The following B4GALNT3 variants were observed in gnomAD, a reference collection of about 807,000 sequenced individuals.
B4GALNT3 encodes the protein beta-1,4-N-acetylgalactosaminyltransferase 3.
B4GALNT3 carries 86 observed loss-of-function variants against 120.2 expected under a neutral mutation model. That is an observed-to-expected ratio of 0.72 (90% confidence interval 0.60 to 0.86). B4GALNT3 has a LOEUF of 0.86. Among genes scored for constraint, B4GALNT3 ranks in the 40% least tolerant of loss-of-function variants. The pLI, the probability that B4GALNT3 is intolerant of heterozygous loss-of-function variation, is 0.00. For missense variants in B4GALNT3, 1,167 were observed against 1,298.9 expected, an observed-to-expected ratio of 0.90 and a Z score of 1.56; for synonymous variants, 518 against 510.4, an observed-to-expected ratio of 1.01 and a Z score of -0.20.
intron 12 of B4GALNT3, 44 bp downstream of exon 12, chr12:552,207 C>G (rs202215573): frequency 6.6e-7 from 1 of 1,523,206 alleles, no homozygotes; most frequent in Non-Finnish European, 9.1e-7. Context: ...TTGCAGAGGG[C>G]TCTGCGGGAG....
chr12:512,202 C>A (rs1946584316), intron 1 of B4GALNT3, among the ~76,000 whole-genome samples: 1 of 97,706 alleles, frequency 1.0e-5, no homozygotes, highest in Non-Finnish European at 2.0e-5. Flanking sequence ...CGCCTTCCAC[C>A]TTCCACCTTC....
chr12:485,044 G>A (rs1946278223), intron 1 of B4GALNT3, among the ~76,000 whole-genome samples: 1 of 152,118 alleles, frequency 6.6e-6, no homozygotes, highest in Non-Finnish European at 1.5e-5. Flanking sequence ...ACATCCCTTT[G>A]GCATGTTCTC....
chr12:500,668 G>A (rs1946429761), intron 1 of B4GALNT3, among the ~76,000 whole-genome samples: 1 of 152,032 alleles, frequency 6.6e-6, no homozygotes, highest in African/African-American at 2.4e-5. Flanking sequence ...TCCCGTGGGT[G>A]CCCCAACCCG....
At chr12:529,243 C>T (rs939167702) in intron 1 of B4GALNT3, among the ~76,000 whole-genome samples, 2 of 152,204 alleles carry the variant, frequency 1.3e-5, no homozygotes, top group African/African-American at 2.4e-5. Context: ...ACTTCTTTCT[C>T]GGGCTTACTC....
At chr12:476,332 G>T (rs565296283) in intron 1 of B4GALNT3, among the ~76,000 whole-genome samples, 1 of 152,114 alleles carries the variant, frequency 6.6e-6, no homozygotes, top group African/African-American at 2.4e-5. Context: ...ATCTGTAATC[G>T]CAGTGCTTTT....
intron 1 of B4GALNT3, among the ~76,000 whole-genome samples, chr12:500,982 C>T (rs1283679678): frequency 6.7e-6 from 1 of 149,694 alleles, no homozygotes; most frequent in Non-Finnish European, 1.5e-5. Context: ...ATTCTCCTGC[C>T]TCAGCCTCAG....
chr12:556,065 G>C (rs1285466323), intron 14 of B4GALNT3, among the ~76,000 whole-genome samples: 3 of 152,188 alleles, frequency 2.0e-5, no homozygotes, highest in Admixed American at 6.5e-5. Flanking sequence ...TTACAGGTGT[G>C]AGCCACTGCA....
In B4GALNT3 at chr12:557,593, G is replaced by C; in HGVS notation, c.2381-15G>C. On this transcript the variant is annotated splice_polypyrimidine_tract_variant and intron_variant, in intron 15 of 19. Coordinates refer to ENST00000266383, the MANE Select transcript of B4GALNT3 (RefSeq NM_173593.4). ...TTGTCTGTGTTTCCTTCTCCTGCCTGACCCCCTGGGGTAGTGAAGAACCAG... is the reference window on the plus strand; with the variant it reads ...TTGTCTGTGTTTCCTTCTCCTGCCTCACCCCCTGGGGTAGTGAAGAACCAG... 2 of 1,601,424 alleles carry C rather than the reference G, an allele frequency of 1.2e-6. No individual in the cohort carries two copies. The highest frequency in any genetic ancestry group is 1.7e-6 in the Non-Finnish European group (2 of 1,175,522).
chr12:500,163 A>G (rs56124146), intron 1 of B4GALNT3, among the ~76,000 whole-genome samples: 9,292 of 151,762 alleles, frequency 0.061, 360 homozygotes, highest in South Asian at 0.1. Flanking sequence ...TTTTTTTAAG[A>G]GTTGGGGTCT....
chr12:482,669 GA>G (rs897565882), intron 1 of B4GALNT3, among the ~76,000 whole-genome samples: 2 of 152,156 alleles, frequency 1.3e-5, no homozygotes, highest in African/African-American at 4.8e-5. Context: ...TGATTGGAGA[GA>G]GGCACAGAGG....
rs150339688 is a variant in B4GALNT3 at position 526,668 on chromosome 12, GTGTT to G, written c.170-8478_170-8475del. 2.7e-3 allele frequency among the ~76,000 whole-genome samples: 404 copies of G among 152,150 alleles called. 3 individuals are homozygous for G. Among genetic ancestry groups the G allele is most frequent in the African/African-American group, 8.0e-3 (332 of 41,502 alleles). On this transcript the variant is annotated intron_variant, in intron 1 of 19. Transcript: ENST00000266383. ...CTAAATGGGCCCTTAAATGTTATAG[GTGTT>G]TGTTTGTTTGTTTGTTTGTAATGAT... is the stretch of plus-strand genomic sequence containing the variant.
intron 2 of B4GALNT3, 115 bp downstream of exon 2, chr12:535,384 A>T: frequency 1.2e-6 from 1 of 817,446 alleles, no homozygotes; most frequent in South Asian, 1.7e-5. Context: ...GGCAGAGGAT[A>T]AACAGCCCCC....
intron 1 of B4GALNT3, among the ~76,000 whole-genome samples, chr12:481,688 G>GTGGCTGGGCCCAGGCAGCTGGGCTGGA (rs1946244420): frequency 6.6e-6 from 1 of 152,198 alleles, no homozygotes; most frequent in African/African-American, 2.4e-5. Context: ...GCCAACAGCT[G>GTGGCTGGGCCCAGGCAGCTGGGCTGGA]TGGCTGGGCC....
At position 553,862 on chromosome 12, in the gene B4GALNT3, G is replaced by A; in HGVS notation, c.1939G>A (p.Ala647Thr). 2 of 1,614,236 alleles carry A rather than the reference G, an allele frequency of 1.2e-6. No homozygotes were observed. Among genetic ancestry groups the A allele is most frequent in the Non-Finnish European group, 1.7e-6 (2 of 1,180,040 alleles). The change falls in exon 14 of 20, where the codon GCC becomes ACC. Residue 647 changes from alanine (A) to threonine (T), a missense_variant. Ala to Thr is a moderately conservative substitution (Grantham distance 58). Transcript: ENST00000266383. ...CAGTGCCCGGAATCTCGACTTCCAA[G>A]CCCTGAGGACTGACTGGATCGATCT... is the stretch of plus-strand genomic sequence containing the variant. ...TFSARNLDFQ[A>T]LRTDWIDLSC...
At chr12:506,800 C>T (rs541259240) in intron 1 of B4GALNT3, among the ~76,000 whole-genome samples, 1 of 152,276 alleles carries the variant, frequency 6.6e-6, no homozygotes, top group African/African-American at 2.4e-5. Context: ...CCACGCCCGG[C>T]TAATTTTTTG....
chr12:561,426 G>A lies in B4GALNT3; in HGVS notation c.2972G>A (p.Ser991Asn). 1 of 1,613,544 alleles carries A rather than the reference G, an allele frequency of 6.2e-7. No homozygotes were observed. Among genetic ancestry groups the A allele is most frequent in the Non-Finnish European group, 8.5e-7 (1 of 1,179,938 alleles). ...HHFHSKRGMWSRRQMKTL is the reference protein window; with the variant it reads ...HHFHSKRGMWNRRQMKTL ...TTCCATTCCAAGCGAGGCATGTGGA[G>A]CCGTCGCCAGATGAAGACGCTGTAG... The change falls in exon 20 of 20, where the codon AGC becomes AAC. Residue 991 changes from serine (S) to asparagine (N), a missense_variant. Ser to Asn is a conservative substitution (Grantham distance 46, BLOSUM62 1). Around this residue, in one of 3 missense-constraint regions of B4GALNT3, gnomAD observed 983 missense variants for 1,102.5 expected, o/e 0.89. Transcript: ENST00000266383.
At chr12:535,476 C>CT (rs1362625180) in intron 2 of B4GALNT3, among the ~76,000 whole-genome samples, 2 of 152,186 alleles carry the variant, frequency 1.3e-5, no homozygotes, top group Non-Finnish European at 2.9e-5. Flanking sequence ...TAAAAGGAAA[C>CT]TTTTACTGGG....
rs1424706452 is a variant in B4GALNT3 at position 553,377 on chromosome 12, G to T, written c.1454G>T (p.Gly485Val). 6.2e-7 allele frequency: 1 copy of T among 1,613,804 alleles called. No homozygotes were observed. The highest frequency in any genetic ancestry group is 8.5e-7 in the Non-Finnish European group (1 of 1,180,046). Residue 485 changes from glycine to valine, a missense_variant, in exon 14 of 20, where the codon GGC becomes GTC. Physicochemically the swap from Gly to Val is moderately radical, Grantham distance 109 (BLOSUM62 -3). This residue lies in a region of B4GALNT3 where 983 missense variants were observed against 1,102.5 expected (regional missense o/e 0.89). Transcript: ENST00000266383. ...AAACTCCTGGCTCAGCCCCGGGAGG[G>T]CCTGCTGGCCCCCTTCTCCAAGCGG... The part of the protein sequence containing the change: ...LRKLLAQPRE[G>V]LLAPFSKRNS...
At chr12:500,108 G>A (rs1204776717) in intron 1 of B4GALNT3, among the ~76,000 whole-genome samples, 1 of 151,796 alleles carries the variant, frequency 6.6e-6, no homozygotes. Context: ...ACCTCCAGCA[G>A]ATGCACAAAC....
Sources: allele counts gnomAD v4.1 joint callset (sites outside exome capture counted in the v4.1 genomes callset), GRCh38; gene constraint gnomAD v4.1.1; regional missense constraint gnomAD v4.1.1; transcripts MANE v1.5; gene names NCBI Gene and HGNC (gene_info 2026-07-23, HGNC 2026-07-21).